The following PPP1R16A variants were observed in gnomAD, a reference collection of about 807,000 sequenced individuals.
The protein encoded by PPP1R16A is myosin phosphatase-targeting subunit 3.
PPP1R16A carries 39 observed loss-of-function variants against 46.6 expected under a neutral mutation model. The observed-to-expected ratio is 0.84, with a 90% confidence interval of 0.65 to 1.09. The LOEUF (loss-of-function observed/expected upper bound fraction) is 1.09, where lower values mean the gene tolerates loss of function less well. Among genes scored for constraint, PPP1R16A ranks in the 50% least tolerant of loss-of-function variants. The pLI is 0.00. For synonymous variants in PPP1R16A, 413 were observed against 321.5 expected (o/e 1.28, Z -3.04); for missense variants, 798 against 735.6 (o/e 1.08, Z -0.98).
intron 2 of PPP1R16A, among the ~76,000 whole-genome samples, chr8:144,491,754 C>T (rs1371291469): frequency 1.4e-5 from 2 of 146,770 alleles, no homozygotes; most frequent in African/African-American, 5.1e-5. Flanking sequence ...TGGAGCGAGA[C>T]TCTGTTTCAA....
chr8:144,492,928 G>A (rs1277256856), intron 2 of PPP1R16A, among the ~76,000 whole-genome samples: 5 of 152,122 alleles, frequency 3.3e-5, no homozygotes, highest in Admixed American at 3.3e-4. Context: ...ATGGACACTG[G>A]GAGATGGGTA....
At chr8:144,481,133 G>GC (rs1825400712) in intron 1 of PPP1R16A, among the ~76,000 whole-genome samples, 1 of 147,330 alleles carries the variant, frequency 6.8e-6, no homozygotes, top group South Asian at 2.2e-4. Flanking sequence ...CTCGTGATCC[G>GC]CCCGCCTCGG....
At chr8:144,478,927 G>A (rs1455409103) in intron 1 of PPP1R16A, 2 of 152,290 alleles carry the variant, frequency 1.3e-5, no homozygotes, top group East Asian at 3.9e-4. Flanking sequence ...AGGCTTAGGG[G>A]AGACAGAGCA....
chr8:144,499,122 G>T, intron 5 of PPP1R16A, 61 bp downstream of exon 5: 1 of 1,517,786 alleles, frequency 6.6e-7, no homozygotes, highest in Non-Finnish European at 8.8e-7. Flanking sequence ...CGCTCAGGAG[G>T]CTCCTCTTGG....
Position 144,500,859 on chromosome 8 carries a change from G to T in PPP1R16A, c.925G>T (p.Glu309Ter). The change falls in exon 10 of 12, where the codon GAG becomes TAG. Residue 309 changes from glutamate (E) to a stop codon, truncating the protein, a stop_gained. Transcript: ENST00000435887. LOFTEE classifies it high-confidence loss of function. ...ETPLDVCGDE[E>*]VRAKLLELKH... ...CTTCTCAGATGTGTGCGGGGACGAG[G>T]AGGTGCGGGCCAAGCTGCTGGAGCT... 1 of 1,572,336 alleles carries T rather than the reference G, an allele frequency of 6.4e-7. No homozygotes were observed. Among genetic ancestry groups the T allele is most frequent in the East Asian group, 2.4e-5 (1 of 42,404 alleles).
chr8:144,500,642 G>A (rs1356220574), intron 8 of PPP1R16A, 30 bp downstream of exon 8: 2 of 1,604,770 alleles, frequency 1.2e-6, no homozygotes, highest in Admixed American at 1.7e-5. Flanking sequence ...GGTGGGAGGG[G>A]GCTTCCAGCG....
chr8:144,498,601 TG>T, intron 3 of PPP1R16A, 168 bp from the exon 4 acceptor site: 2 of 641,942 alleles, frequency 3.1e-6, no homozygotes, highest in Non-Finnish European at 5.2e-6. Flanking sequence ...GTGACCGGCC[TG>T]GGCCAGACAG....
chr8:144,486,437 G>A (rs1489159724), intron 1 of PPP1R16A, among the ~76,000 whole-genome samples: 1 of 152,172 alleles, frequency 6.6e-6, no homozygotes, highest in African/African-American at 2.4e-5. Flanking sequence ...TGCATGTTGA[G>A]CTGTTTTGGT....
At chr8:144,497,916 A>T (rs1826168914) in intron 3 of PPP1R16A, 3 of 402,878 alleles carry the variant, frequency 7.4e-6, no homozygotes, top group Admixed American at 2.6e-5. Context: ...GCACAGAGCT[A>T]TGCAGGTGGC....
chr8:144,502,039 C>A lies in PPP1R16A; in HGVS notation c.*136C>A. The A allele has an allele frequency of 1.2e-6, 1 of 836,198 alleles. No individual in the cohort carries two copies. Among genetic ancestry groups the A allele is most frequent in the African/African-American group, 1.7e-5 (1 of 58,040 alleles). 51.8% of individuals were successfully genotyped at this position (836,198 alleles called of 1,614,324 possible). ...TACAGGACACTGGCCCCTCTCAGGTCAGAAGACATGCCTGGAGGGATGTCT... is the reference window on the plus strand; with the variant it reads ...TACAGGACACTGGCCCCTCTCAGGTAAGAAGACATGCCTGGAGGGATGTCT... On this transcript the variant is annotated 3_prime_UTR_variant, in exon 12 of 12. Coordinates refer to ENST00000435887, the MANE Select transcript of PPP1R16A (RefSeq NM_001329443.2).
chr8:144,490,505 CAA>C (rs11337640), intron 2 of PPP1R16A, among the ~76,000 whole-genome samples: 2,829 of 141,450 alleles, frequency 0.02, 82 homozygotes, highest in African/African-American at 0.065. Flanking sequence ...GACCCTGTCT[CAA>C]AAAAAAAAAA....
chr8:144,487,149 G>A (rs1825651921), intron 1 of PPP1R16A, among the ~76,000 whole-genome samples: 1 of 151,956 alleles, frequency 6.6e-6, no homozygotes, highest in South Asian at 2.1e-4. Context: ...CACCACAACC[G>A]GCTAATTTTT....
At chr8:144,478,422 G>A (rs912330733) in intron 1 of PPP1R16A, 1 of 307,350 alleles carries the variant, frequency 3.3e-6, no homozygotes, top group African/African-American at 2.2e-5. Context: ...GCCGCCTTGG[G>A]CGTTGCTGGC....
At chr8:144,498,610 C>G (rs1488901096) in intron 3 of PPP1R16A, 160 bp from the exon 4 acceptor site, 1 of 679,906 alleles carries the variant, frequency 1.5e-6, no homozygotes, top group East Asian at 2.8e-5. Context: ...CTGGGCCAGA[C>G]AGATGCCTGG....
intron 2 of PPP1R16A, among the ~76,000 whole-genome samples, chr8:144,491,881 G>A (rs1034515470): frequency 4.6e-5 from 7 of 151,984 alleles, no homozygotes; most frequent in Non-Finnish European, 7.4e-5. Context: ...ACAGCGAGCC[G>A]TGATTGCACC....
intron 1 of PPP1R16A, among the ~76,000 whole-genome samples, chr8:144,482,143 G>T (rs974788495): frequency 1.3e-5 from 2 of 151,944 alleles, no homozygotes; most frequent in Non-Finnish European, 2.9e-5. Context: ...TGTCATCTCG[G>T]CTCATTGCAG....
intron 3 of PPP1R16A, chr8:144,497,879 T>G (rs2130474451): frequency 2.7e-6 from 1 of 367,812 alleles, no homozygotes; most frequent in Non-Finnish European, 5.4e-6. Context: ...GCCACCTCTG[T>G]GGGTGAGAGA....
Position 144,500,145 on chromosome 8 carries a change from CTG to C in PPP1R16A, c.531_532del (p.Cys177Ter). The C allele has an allele frequency of 6.2e-7, 1 of 1,612,448 alleles. No homozygotes were observed. The highest frequency in any genetic ancestry group is 8.5e-7 in the Non-Finnish European group (1 of 1,179,410). On this transcript the variant is annotated frameshift_variant, in exon 6 of 12. Transcript: ENST00000435887. LOFTEE classifies it high-confidence loss of function. ...CACCGACGGGAACATGCCCTATGACCTGTGTGATGATGAGCAGACGCTGGACT... is the reference window on the plus strand; with the variant it reads ...CACCGACGGGAACATGCCCTATGACCTGTGATGATGAGCAGACGCTGGACT... ...VNTDGNMPYD[L>X]CDDEQTLDCL... is the part of the protein sequence containing the mutation.
intron 1 of PPP1R16A, among the ~76,000 whole-genome samples, chr8:144,484,386 T>C (rs1825560234): frequency 6.6e-6 from 1 of 152,218 alleles, no homozygotes. Context: ...AATGAGGCAG[T>C]TCATAGGGAA....
Sources: gnomAD v4.1 joint callset for allele counts (sites outside exome capture counted in the v4.1 genomes callset) on GRCh38, gnomAD v4.1.1 for gene constraint, MANE v1.5 for transcripts, NCBI Gene and HGNC (gene_info 2026-07-23, HGNC 2026-07-21) for gene names.